The following KLHL13 variants were observed in gnomAD, a reference collection of about 807,000 sequenced individuals.
KLHL13 encodes kelch-like protein 13.
KLHL13 carries 10 observed loss-of-function variants against 37.1 expected under a neutral mutation model. That is an observed-to-expected ratio of 0.27 (90% CI 0.17 to 0.46). The LOEUF is 0.46. Ranked by LOEUF, KLHL13 falls within the 20% of genes least tolerant of loss-of-function variation. The probability of loss-of-function intolerance (pLI) is 1.00; values close to 1 mark genes in which losing one functional copy is unlikely to be tolerated. For synonymous variants in KLHL13, 163 were observed against 181.2 expected, an observed-to-expected ratio of 0.90 and a Z score of 0.81; for missense variants, 360 against 509.3, an observed-to-expected ratio of 0.71 and a Z score of 2.82.
chrX:118,009,872 C>T (rs1371428719), intron 1 of KLHL13, among the ~76,000 whole-genome samples: 5 of 99,969 alleles, frequency 5.0e-5, no homozygotes, highest in Admixed American at 3.3e-4. Flanking sequence ...ATTGATTCTT[C>T]CTACCCATGA....
intron 1 of KLHL13, among the ~76,000 whole-genome samples, chrX:117,986,524 G>A (rs184411072): frequency 9.0e-6 from 1 of 111,730 alleles, no homozygotes; most frequent in Non-Finnish European, 1.9e-5. Flanking sequence ...AATTAATCAA[G>A]TAACTAAGCC....
At chrX:118,019,652 C>T (rs1473484210) in intron 1 of KLHL13, among the ~76,000 whole-genome samples, 4 of 111,215 alleles carry the variant, frequency 3.6e-5, no homozygotes, top group Non-Finnish European at 5.7e-5. Flanking sequence ...TTTAATCCAT[C>T]TTGAATTGAT....
intron 1 of KLHL13, among the ~76,000 whole-genome samples, chrX:117,993,001 C>T (rs5956837): frequency 3.6e-5 from 4 of 111,713 alleles, no homozygotes; most frequent in Middle Eastern, 4.2e-3. Flanking sequence ...ACACAACCCA[C>T]GGAACATCAG....
chrX:117,932,727 C>A (rs765277071), intron 2 of KLHL13, among the ~76,000 whole-genome samples: 3 of 112,075 alleles, frequency 2.7e-5, no homozygotes, highest in Non-Finnish European at 5.7e-5. Flanking sequence ...TGGATATATA[C>A]CCAGTAATGG....
intron 1 of KLHL13, among the ~76,000 whole-genome samples, chrX:118,103,539 G>A (rs992850140): frequency 1.8e-5 from 2 of 111,859 alleles, no homozygotes; most frequent in Admixed American, 9.5e-5. Flanking sequence ...AAAATTAAAA[G>A]TAAGAAAAAT....
chrX:118,053,781 G>GTGTGTGTC (rs1166601346), intron 1 of KLHL13, among the ~76,000 whole-genome samples: 3 of 85,454 alleles, frequency 3.5e-5, no homozygotes, highest in African/African-American at 1.5e-4. Context: ...GTGTGTGTGT[G>GTGTGTGTC]TGTGTGTGTG....
At chrX:117,917,620 C>A (rs974913613) in intron 4 of KLHL13, among the ~76,000 whole-genome samples, 1 of 111,739 alleles carries the variant, frequency 8.9e-6, no homozygotes, top group Non-Finnish European at 1.9e-5. Flanking sequence ...GAACAAAATT[C>A]TTTTCTATTA....
intron 1 of KLHL13, among the ~76,000 whole-genome samples, chrX:118,098,516 G>A (rs1214735481): frequency 9.0e-6 from 1 of 110,946 alleles, no homozygotes; most frequent in Non-Finnish European, 1.9e-5. Context: ...AGACAGTGTG[G>A]GGATTCTTCA....
chrX:117,928,997 A>ACAAATTACC (rs1161180889), intron 2 of KLHL13, among the ~76,000 whole-genome samples: 1 of 111,905 alleles, frequency 8.9e-6, no homozygotes, highest in African/African-American at 3.2e-5. Context: ...GGATGAATAG[A>ACAAATTACC]AGTGGCATAA....
At chrX:117,963,828 G>C in intron 1 of KLHL13, among the ~76,000 whole-genome samples, 1 of 107,002 alleles carries the variant, frequency 9.3e-6, no homozygotes, top group Non-Finnish European at 1.9e-5. Flanking sequence ...GTGATGATGA[G>C]CATTACATAT....
At chrX:118,071,869 AG>A (rs2054870291) in intron 1 of KLHL13, among the ~76,000 whole-genome samples, 1 of 104,751 alleles carries the variant, frequency 9.5e-6, no homozygotes, top group Non-Finnish European at 2.0e-5. Context: ...GCTCATGGGT[AG>A]GAAGAATCAA....
intron 1 of KLHL13, among the ~76,000 whole-genome samples, chrX:118,096,660 A>G (rs1033342360): frequency 8.9e-6 from 1 of 111,937 alleles, no homozygotes; most frequent in African/African-American, 3.2e-5. Flanking sequence ...CCTGATGAAC[A>G]TCGATGCAAA....
At chrX:117,973,627 C>T (rs2053558989) in exon 1 of KLHL13, 7 of 872,598 alleles carry the variant, frequency 8.0e-6, no homozygotes, top group African/African-American at 2.1e-5. Context: ...TTTCCCTATT[C>T]TTATTTCCAA....
chrX:117,963,639 C>T (rs2053347472), intron 1 of KLHL13, among the ~76,000 whole-genome samples: 1 of 97,973 alleles, frequency 1.0e-5, no homozygotes, highest in Non-Finnish European at 2.1e-5. Context: ...TGAGGAATCG[C>T]CACACTGACT....
intron 2 of KLHL13, among the ~76,000 whole-genome samples, chrX:117,930,314 C>CAGGCAGGCAGGCAGGCAGGAAGGCAGGA (rs1569418665): frequency 9.8e-6 from 1 of 102,431 alleles, no homozygotes; most frequent in African/African-American, 3.7e-5. Context: ...GGCAGGCAGG[C>CAGGCAGGCAGGCAGGCAGGAAGGCAGGA]AGGCAGGAAG....
intron 1 of KLHL13, among the ~76,000 whole-genome samples, chrX:118,075,108 G>C (rs1385413061): frequency 9.0e-6 from 1 of 111,438 alleles, no homozygotes. Flanking sequence ...GTTGATTTTA[G>C]TCTTTGTTAG....
At chrX:118,002,595 A>AAAAT (rs571584663) in intron 1 of KLHL13, among the ~76,000 whole-genome samples, 3,586 of 94,144 alleles carry the variant, frequency 0.038, 95 homozygotes, top group Admixed American at 0.048. Context: ...CTCTGTCTCG[A>AAAAT]AAATAAATAA....
intron 1 of KLHL13, among the ~76,000 whole-genome samples, chrX:118,067,571 TA>T (rs1419820360): frequency 8.9e-6 from 1 of 112,059 alleles, no homozygotes; most frequent in African/African-American, 3.2e-5. Flanking sequence ...TATACAGCTG[TA>T]AAAAATATTG....
chrX:118,078,162 T>C (rs1269006224), intron 1 of KLHL13, among the ~76,000 whole-genome samples: 2 of 112,008 alleles, frequency 1.8e-5, no homozygotes, highest in African/African-American at 6.5e-5. Context: ...GCGTCACCTG[T>C]AGCAGTTTAT....
Sources: gnomAD v4.1 joint callset for allele counts (sites outside exome capture counted in the v4.1 genomes callset) on GRCh38, gnomAD v4.1.1 for gene constraint, MANE v1.5 for transcripts, NCBI Gene and HGNC (gene_info 2026-07-23, HGNC 2026-07-21) for gene names.